Variants in ZC3H14 observed in about 807,000 individuals in gnomAD.
ZC3H14 encodes the protein zinc finger CCCH domain-containing protein 14.
Under a neutral mutation model 92.4 loss-of-function variants are expected in ZC3H14, and 31 were observed. The ratio of observed to expected loss-of-function variants is 0.34; its 90% confidence interval spans 0.25 to 0.45. The LOEUF is 0.45. ZC3H14 is among the 20% of genes least tolerant of loss of function. The probability of loss-of-function intolerance (pLI) is 1.00; values close to 1 mark genes in which losing one functional copy is unlikely to be tolerated. For missense variants in ZC3H14, 781 were observed against 897.3 expected, an observed-to-expected ratio of 0.87 and a Z score of 1.66; for synonymous variants, 321 against 300.9, an observed-to-expected ratio of 1.07 and a Z score of -0.69.
chr14:88,600,814 T>C (rs531673871), intron 10 of ZC3H14, among the ~76,000 whole-genome samples: 1 of 152,218 alleles, frequency 6.6e-6, no homozygotes, highest in East Asian at 1.9e-4. Context: ...AGAACCTTTA[T>C]TATATGTGTC....
At position 88,624,902 on chromosome 14, in the gene ZC3H14, ATAAT is replaced by A. The variant is rs1301175495; in HGVS notation, c.*13155_*13158del. ...TCTGTGTAGCCTAGAAACAACTAGA[ATAAT>A]TAACTGCAAACCTCAGGTAGGTCAC... is the stretch of plus-strand genomic sequence containing the variant. On this transcript the variant is annotated 3_prime_UTR_variant, in exon 17 of 17. Coordinates refer to ENST00000251038, the MANE Select transcript of ZC3H14 (RefSeq NM_024824.5). 15 of 1,562,316 alleles carry A rather than the reference ATAAT, an allele frequency of 9.6e-6. No individual in the cohort carries two copies. The highest frequency in any genetic ancestry group is 1.3e-5 in the Non-Finnish European group (15 of 1,151,768).
chr14:88,574,756 A>T lies in ZC3H14; in HGVS notation c.925A>T (p.Asn309Tyr). Residue 309 changes from asparagine (N) to tyrosine (Y), a missense_variant, in exon 7 of 17, where the codon AAT (asparagine) becomes TAT (tyrosine). Asn to Tyr is a moderately radical substitution (Grantham distance 143). Transcript: ENST00000251038. ...TTCAGTTGTTAAAGTAAAAAAATTC[A>T]ATCATGATGGAGAAGAGGAGGAAGA... Reference protein sequence around the residue: ...VSSVVKVKKFNHDGEEEEEDD... With the variant: ...VSSVVKVKKFYHDGEEEEEDD... The T allele has an allele frequency of 6.2e-7, 1 of 1,614,170 alleles. No individual in the cohort carries two copies. Among genetic ancestry groups the T allele is most frequent in the Non-Finnish European group, 8.5e-7 (1 of 1,180,034 alleles).
chr14:88,573,023 TA>T lies in ZC3H14; in HGVS notation c.861+19del. 1 of 1,613,212 alleles carries T rather than the reference TA, an allele frequency of 6.2e-7. No individual in the cohort carries two copies. Among genetic ancestry groups the T allele is most frequent in the Non-Finnish European group, 8.5e-7 (1 of 1,179,940 alleles). On this transcript the variant is annotated intron_variant, in intron 6 of 16. Transcript: ENST00000251038. ...GAGTATGGAGGTTTGTATGTACTTTTAAATTCTGGCTTAGGCTAAAAATCGG... is the reference window on the plus strand; with the variant it reads ...GAGTATGGAGGTTTGTATGTACTTTTAATTCTGGCTTAGGCTAAAAATCGG...
chr14:88,577,044 C>G (rs762475110), intron 8 of ZC3H14, among the ~76,000 whole-genome samples: 4 of 152,104 alleles, frequency 2.6e-5, no homozygotes. Flanking sequence ...CACCTGCCTC[C>G]TCGGCCTCCC....
Position 88,607,314 on chromosome 14 carries a change from T to C in ZC3H14, c.1819T>C (p.Cys607Arg). Reference protein sequence around the residue: ...LLERCKYWPACKNGDECAYHH... With the variant: ...LLERCKYWPARKNGDECAYHH... ...GGAGCGCTGCAAGTACTGGCCTGCTTGTAAAAATGGGGATGAGTGTGCCTA... is the reference window on the plus strand; with the variant it reads ...GGAGCGCTGCAAGTACTGGCCTGCTCGTAAAAATGGGGATGAGTGTGCCTA... Residue 607 changes from cysteine (C) to arginine (R), a missense_variant, in exon 13 of 17, where the codon TGT (cysteine) becomes CGT (arginine). By Grantham distance (180) the Cys-to-Arg change is radical. This residue lies in a region of ZC3H14 where 221 missense variants were observed against 304.7 expected (regional missense o/e 0.73). Transcript: ENST00000251038. 6.2e-7 allele frequency: 1 copy of C among 1,613,916 alleles called. No homozygotes were observed. The highest frequency in any genetic ancestry group is 8.5e-7 in the Non-Finnish European group (1 of 1,179,932).
rs1012994765 is a variant in ZC3H14 at position 88,574,683 on chromosome 14, C to G, written c.862-10C>G. On this transcript the variant is annotated splice_polypyrimidine_tract_variant and intron_variant, in intron 6 of 16. Coordinates refer to ENST00000251038, the MANE Select transcript of ZC3H14 (RefSeq NM_024824.5). ...GAGATTAGGTAAGCATAAATTTTAT[C>G]TGATTGCAGGATGAAAACTTTCGGA... The G allele has an allele frequency of 6.2e-7, 1 of 1,613,904 alleles. No individual in the cohort carries two copies. The highest frequency in any genetic ancestry group is 8.5e-7 in the Non-Finnish European group (1 of 1,179,930).
rs893309359 is a variant in ZC3H14, at chr14:88,563,324, G to A, written c.36+155G>A. The A allele has an allele frequency of 5.7e-5, 85 of 1,496,810 alleles. 1 individual carries two copies. The African/African-American group carries it at 9.9e-4, about 17-fold the overall frequency. The allele number at this position is 1,496,810 out of a possible 1,614,324, so 92.7% of individuals were successfully genotyped here. A position where few individuals can be genotyped will look rare whatever the true frequency, so the allele number is the denominator to read the frequency against. On this transcript the variant is annotated intron_variant, in intron 1 of 16. Transcript: ENST00000251038. ...GGCTCCTCCTCGTCCAGGCCGCCTCGGCCCTGGGGACATTTGCGGCCTCGG... is the reference window on the plus strand; with the variant it reads ...GGCTCCTCCTCGTCCAGGCCGCCTCAGCCCTGGGGACATTTGCGGCCTCGG...
intron 12 of ZC3H14, 99 bp from the exon 13 acceptor site, chr14:88,607,144 A>G (rs1275216409): frequency 6.4e-6 from 10 of 1,568,648 alleles, no homozygotes; most frequent in Non-Finnish European, 8.7e-6. Context: ...TACATTTAAC[A>G]GAAGATTCTA....
In ZC3H14 at chr14:88,616,921, G is replaced by A. The variant is rs755051180; in HGVS notation, c.*5170G>A. ...AAAGAAAACTCATCATGGCAAGTGCGGGCAGGTTGACTATATTCAAAAAGT... is the reference window on the plus strand; with the variant it reads ...AAAGAAAACTCATCATGGCAAGTGCAGGCAGGTTGACTATATTCAAAAAGT... On this transcript the variant is annotated 3_prime_UTR_variant, in exon 17 of 17. Transcript: ENST00000251038. The A allele has an allele frequency of 5.6e-6, 9 of 1,593,516 alleles. No individual in the cohort carries two copies. The highest frequency in any genetic ancestry group is 1.7e-4 in the Middle Eastern group (1 of 5,974).
chr14:88,626,656 T>A lies in ZC3H14; in HGVS notation c.*14905T>A, dbSNP rs866672558. Reference sequence around the variant, plus strand: ...ATCCTTTTCCCCCTCTCATTAACATTCTTTTCACTCCCTAATTTCTGAAAG... The same window carrying A: ...ATCCTTTTCCCCCTCTCATTAACATACTTTTCACTCCCTAATTTCTGAAAG... On this transcript the variant is annotated 3_prime_UTR_variant, in exon 17 of 17. Transcript: ENST00000251038. 3.0e-6 allele frequency: 2 copies of A among 671,528 alleles called. No individual in the cohort carries two copies. Among genetic ancestry groups the A allele is most frequent in the South Asian group, 4.1e-5 (2 of 48,246 alleles). 41.6% of individuals were successfully genotyped at this position (671,528 alleles called of 1,614,324 possible).
At chr14:88,569,185 T>G (rs975440531) in intron 3 of ZC3H14, among the ~76,000 whole-genome samples, 1 of 152,188 alleles carries the variant, frequency 6.6e-6, no homozygotes, top group Non-Finnish European at 1.5e-5. Flanking sequence ...TATCTTATAG[T>G]TCCTTTTCCC....
At position 88,569,627 on chromosome 14, in the gene ZC3H14, C is replaced by T. The variant is rs60332534; in HGVS notation, c.195-1457C>T. On this transcript the variant is annotated intron_variant, in intron 3 of 16. Coordinates refer to ENST00000251038, the MANE Select transcript of ZC3H14 (RefSeq NM_024824.5). ...TCTCAGGCTAGGAACTACCAGTTAC[C>T]GTGAAAGGTGATGATGTAGCAGAAG... Among the ~76,000 whole-genome samples the T allele has an allele frequency of 5.1e-3, 783 of 152,094 alleles. 6 individuals carry two copies. Among genetic ancestry groups the T allele is most frequent in the African/African-American group, 0.018 (734 of 41,486 alleles).
At position 88,563,088 on chromosome 14, in the gene ZC3H14, T is replaced by C; in HGVS notation, c.-46T>C. 1 of 1,558,614 alleles carries C rather than the reference T, an allele frequency of 6.4e-7. No homozygotes were observed. Among genetic ancestry groups the C allele is most frequent in the Non-Finnish European group, 8.6e-7 (1 of 1,159,096 alleles). ...GTAGGAGTCCGCGGCAGCCTCCGGG[T>C]AAGCCAAGCGCCGCGCAGTGCTGAG... is the stretch of plus-strand genomic sequence containing the variant. On this transcript the variant is annotated 5_prime_UTR_variant, in exon 1 of 17. Transcript: ENST00000251038.
Position 88,602,072 on chromosome 14 carries a change from T to C in ZC3H14, c.1503T>C (p.Leu501=). The part of the protein sequence containing the change: ...ADSLRVLSGH[L]MQTRDLVQPD... ...CCCTTCGGGTACTTTCAGGACACCT[T>C]ATGCAGACACGGTAGATGGTTTCTT... The change falls in exon 11 of 17, where the codon CTT becomes CTC. Residue 501 remains leucine (L), a synonymous_variant. Transcript: ENST00000251038. 1.9e-6 allele frequency: 3 copies of C among 1,614,068 alleles called. No individual in the cohort carries two copies. The highest frequency in any genetic ancestry group is 2.5e-6 in the Non-Finnish European group (3 of 1,179,914).
intron 1 of ZC3H14, chr14:88,563,446 G>T (rs2079129732): frequency 1.4e-6 from 2 of 1,438,110 alleles, no homozygotes; most frequent in Non-Finnish European, 1.8e-6. Context: ...CTTTGGATCC[G>T]CTGCGGGAGG....
rs531239462 is a variant in ZC3H14, at chr14:88,601,801, G to C, written c.1355-123G>C. 55 of 1,197,414 alleles carry C rather than the reference G, an allele frequency of 4.6e-5. No homozygotes were observed. In the South Asian group the frequency reaches 6.6e-4, roughly 14 times the overall value. The allele number at this position is 1,197,414 out of a possible 1,614,324, so 74.2% of individuals were successfully genotyped here. A position where few individuals can be genotyped will look rare whatever the true frequency, so the allele number is the denominator to read the frequency against. ...AGCCCTGTTTTCCTGAGTGGAACCA[G>C]TTGTGATTTTCCTTTGAAATAATTT... On this transcript the variant is annotated intron_variant, in intron 10 of 16. Transcript: ENST00000251038.
At chr14:88,592,839 A>G (rs1392444377) in intron 9 of ZC3H14, among the ~76,000 whole-genome samples, 2 of 152,162 alleles carry the variant, frequency 1.3e-5, no homozygotes, top group African/African-American at 4.8e-5. Flanking sequence ...AGCAGCATCT[A>G]CCAACTTGCA....
rs763672297 is a variant in ZC3H14 at position 88,607,287 on chromosome 14, T to C, written c.1792T>C (p.Leu598=). 4 of 1,614,014 alleles carry C rather than the reference T, an allele frequency of 2.5e-6. No individual in the cohort carries two copies. The highest frequency in any genetic ancestry group is 2.2e-5 in the East Asian group (1 of 44,876). The change falls in exon 13 of 17, where the codon TTG becomes CTG. Residue 598 remains leucine, a synonymous_variant. Transcript: ENST00000251038. The stretch of plus-strand genomic sequence containing the variant: ...TGTGGCACAGAAACCAGAAAAACTT[T>C]TGGAGCGCTGCAAGTACTGGCCTGC... ...LSVAQKPEKL[L]ERCKYWPACK...
chr14:88,564,989 A>G (rs1478073904), intron 2 of ZC3H14, among the ~76,000 whole-genome samples: 1 of 152,212 alleles, frequency 6.6e-6, no homozygotes, highest in Non-Finnish European at 1.5e-5. Flanking sequence ...GTGAGCAAAG[A>G]AAAGAATCCA....
Sources: gnomAD v4.1 joint callset for allele counts (sites outside exome capture counted in the v4.1 genomes callset) on GRCh38, gnomAD v4.1.1 for gene constraint, gnomAD v4.1.1 regional missense constraint, MANE v1.5 for transcripts, NCBI Gene and HGNC (gene_info 2026-07-23, HGNC 2026-07-21) for gene names.